Variants in KIAA1217 observed in about 807,000 individuals in gnomAD.
KIAA1217 encodes sickle tail protein homolog.
In KIAA1217, 88 loss-of-function variants were observed where a neutral mutation model predicts 163.9. That is an observed-to-expected ratio of 0.54 (90% CI 0.45 to 0.64). The LOEUF is 0.64. Ranked by LOEUF, KIAA1217 falls within the 30% of genes least tolerant of loss-of-function variation. The pLI is 0.00. For synonymous variants in KIAA1217, 903 were observed against 923.1 expected (o/e 0.98, Z 0.39); for missense variants, 2,372 against 2,475.0 (o/e 0.96, Z 0.88).
intron 2 of KIAA1217, among the ~76,000 whole-genome samples, chr10:24,171,906 C>A (rs1312590359): frequency 1.3e-5 from 2 of 152,170 alleles, no homozygotes; most frequent in African/African-American, 4.8e-5. Context: ...AACCTTCCTG[C>A]AAGCTAGGAA....
chr10:23,756,035 C>A (rs1833903598), intron 1 of KIAA1217, among the ~76,000 whole-genome samples: 1 of 152,024 alleles, frequency 6.6e-6, no homozygotes, highest in Admixed American at 6.6e-5. Flanking sequence ...TAGCTCACTG[C>A]AGCCTCAAAC....
chr10:24,362,798 C>T (rs530695476), intron 2 of KIAA1217, among the ~76,000 whole-genome samples: 10 of 152,198 alleles, frequency 6.6e-5, no homozygotes, highest in South Asian at 2.1e-4. Context: ...GCCCGGAGTT[C>T]GATACCAGCC....
intron 1 of KIAA1217, among the ~76,000 whole-genome samples, chr10:23,986,446 T>C (rs1055140206): frequency 6.6e-6 from 1 of 152,258 alleles, no homozygotes; most frequent in African/African-American, 2.4e-5. Context: ...ATATAACCTA[T>C]GCATGTCATC....
chr10:24,225,410 A>C (rs1429944726), intron 2 of KIAA1217, among the ~76,000 whole-genome samples: 1 of 152,184 alleles, frequency 6.6e-6, no homozygotes, highest in African/African-American at 2.4e-5. Context: ...GAGCCACTGC[A>C]CCTGGCCTCA....
intron 2 of KIAA1217, among the ~76,000 whole-genome samples, chr10:24,241,972 C>T (rs1472322082): frequency 6.6e-6 from 1 of 152,142 alleles, no homozygotes; most frequent in Non-Finnish European, 1.5e-5. Context: ...TGAGCCTGAA[C>T]TCATTCTATG....
intron 1 of KIAA1217, among the ~76,000 whole-genome samples, chr10:23,898,936 A>C (rs1297077437): frequency 6.6e-6 from 1 of 152,118 alleles, no homozygotes; most frequent in African/African-American, 2.4e-5. Flanking sequence ...AAAATGTTGA[A>C]TTATGAAGTC....
At chr10:24,351,604 C>T (rs2048470225) in intron 2 of KIAA1217, among the ~76,000 whole-genome samples, 1 of 152,146 alleles carries the variant, frequency 6.6e-6, no homozygotes, top group Non-Finnish European at 1.5e-5. Context: ...TCATGAAAAA[C>T]AATGAAGCAA....
rs1201340088 is a variant in KIAA1217, at chr10:24,546,804, AT to A, written c.*485del. ...TTATTTAGCTTTATTACAGATTTCTATTTTTGTCAAAACTTCATGGTTCCTT... is the reference window on the plus strand; with the variant it reads ...TTATTTAGCTTTATTACAGATTTCTATTTTGTCAAAACTTCATGGTTCCTT... On this transcript the variant is annotated 3_prime_UTR_variant, in exon 21 of 21. Coordinates refer to ENST00000376454, the MANE Select transcript of KIAA1217 (RefSeq NM_019590.5). The A allele has an allele frequency of 1.3e-5, 2 of 154,048 alleles. No individual in the cohort carries two copies. Among genetic ancestry groups the A allele is most frequent in the African/African-American group, 4.8e-5 (2 of 41,572 alleles). The allele number at this position is 154,048 out of a possible 1,614,324, so 9.5% of individuals were successfully genotyped here. A position where few individuals can be genotyped will look rare whatever the true frequency, so the allele number is the denominator to read the frequency against.
chr10:23,934,600 TATATATGTATATATATATATATA>T (rs1172821645), intron 1 of KIAA1217, among the ~76,000 whole-genome samples: 899 of 87,100 alleles, frequency 0.01, 183 homozygotes, highest in African/African-American at 0.087. Context: ...TGTATATATA[TATATATGTATATATATATATATA>T]TATTTTTTTT....
Position 24,029,211 on chromosome 10 carries a change from T to TA in KIAA1217, c.-171+21839dup, listed in dbSNP as rs545156890. On this transcript the variant is annotated intron_variant, in intron 2 of 18. Transcript: ENST00000376462. ...TGCATGATATCTCAAAAACAGACCT[T>TA]AAGGACCTCATCTGGTTTTGTAAAT... Among the ~76,000 whole-genome samples, 195 of 152,270 alleles carry TA rather than the reference T, an allele frequency of 1.3e-3. 2 individuals are homozygous for TA. Among genetic ancestry groups the TA allele is most frequent in the African/African-American group, 4.1e-3 (171 of 41,558 alleles).
At chr10:24,146,939 T>A (rs1407414262) in intron 2 of KIAA1217, among the ~76,000 whole-genome samples, 4 of 142,808 alleles carry the variant, frequency 2.8e-5, no homozygotes, top group African/African-American at 1.1e-4. Flanking sequence ...ATCTTCAACA[T>A]CAAAATGTGT....
At chr10:24,337,397 G>T (rs991155001) in intron 2 of KIAA1217, among the ~76,000 whole-genome samples, 2 of 152,140 alleles carry the variant, frequency 1.3e-5, no homozygotes. Context: ...GTATGAAGGA[G>T]TATCTCATTG....
chr10:24,484,457 G>T (rs936000955), intron 6 of KIAA1217, among the ~76,000 whole-genome samples: 1 of 151,584 alleles, frequency 6.6e-6, no homozygotes, highest in African/African-American at 2.4e-5. Context: ...ATGTTGGCCA[G>T]GCTGGTTTTG....
At chr10:23,966,472 C>G (rs540233261) in intron 1 of KIAA1217, among the ~76,000 whole-genome samples, 1 of 152,272 alleles carries the variant, frequency 6.6e-6, no homozygotes, top group African/African-American at 2.4e-5. Flanking sequence ...CACACGTGTG[C>G]TCTCTCAAGC....
At chr10:24,391,333 C>CT (rs768727392) in intron 3 of KIAA1217, among the ~76,000 whole-genome samples, 3,015 of 29,926 alleles carry the variant, frequency 0.1, 134 homozygotes, top group East Asian at 0.18. Flanking sequence ...TTCTTTCTTT[C>CT]TTTTTTTTTT....
intron 1 of KIAA1217, among the ~76,000 whole-genome samples, chr10:23,746,764 T>C (rs1314539281): frequency 6.6e-6 from 1 of 152,100 alleles, no homozygotes; most frequent in Non-Finnish European, 1.5e-5. Flanking sequence ...AGAGACATTC[T>C]AGATAGAAGT....
chr10:24,134,693 C>A (rs574922257), intron 2 of KIAA1217, among the ~76,000 whole-genome samples: 1 of 152,266 alleles, frequency 6.6e-6, no homozygotes, highest in East Asian at 1.9e-4. Flanking sequence ...CCTATCTTAG[C>A]CTCCCAAGTA....
At chr10:24,114,083 G>T (rs762160960) in intron 2 of KIAA1217, among the ~76,000 whole-genome samples, 9 of 152,114 alleles carry the variant, frequency 5.9e-5, no homozygotes, top group Non-Finnish European at 1.3e-4. Context: ...GATGCATCCT[G>T]TACTATAACT....
chr10:23,888,422 G>A (rs1429828991), intron 1 of KIAA1217, among the ~76,000 whole-genome samples: 1 of 151,836 alleles, frequency 6.6e-6, no homozygotes, highest in Non-Finnish European at 1.5e-5. Flanking sequence ...GACTACTCCT[G>A]AATAGATATA....
Sources: allele counts gnomAD v4.1 joint callset (sites outside exome capture counted in the v4.1 genomes callset), GRCh38; gene constraint gnomAD v4.1.1; transcripts MANE v1.5; gene names NCBI Gene and HGNC (gene_info 2026-07-23, HGNC 2026-07-21).